DIAPH2: variants seen among roughly 807,000 people sequenced by gnomAD.
DIAPH2 encodes the protein diaphanous related formin 2, also known as protein diaphanous homolog 2.
DIAPH2 carries 35 observed loss-of-function variants against 92.7 expected under a neutral mutation model. The observed-to-expected ratio is 0.38, with a 90% CI of 0.29 to 0.50. The LOEUF (loss-of-function observed/expected upper bound fraction) is 0.50. Ranked by LOEUF, DIAPH2 falls within the 20% of genes least tolerant of loss-of-function variation. The probability of loss-of-function intolerance (pLI) is 0.94; values close to 1 mark genes in which losing one functional copy is unlikely to be tolerated. For missense variants in DIAPH2, 701 were observed against 819.5 expected (o/e 0.86, Z 1.77); for synonymous variants, 301 against 280.4 (o/e 1.07, Z -0.73).
chrX:97,134,169 G>T (rs1263651134), intron 21 of DIAPH2, among the ~76,000 whole-genome samples: 1 of 111,495 alleles, frequency 9.0e-6, no homozygotes, highest in Non-Finnish European at 1.9e-5. Context: ...CAATGTATCT[G>T]GAATCTTCAC....
intron 26 of DIAPH2, among the ~76,000 whole-genome samples, chrX:97,574,652 G>A (rs981797560): frequency 2.7e-5 from 3 of 111,651 alleles, no homozygotes; most frequent in Non-Finnish European, 5.6e-5. Context: ...GGCAATAGGA[G>A]AACACAGTAT....
At chrX:96,872,994 C>A (rs939028958) in intron 4 of DIAPH2, among the ~76,000 whole-genome samples, 1 of 111,863 alleles carries the variant, frequency 8.9e-6, no homozygotes, top group African/African-American at 3.3e-5. Flanking sequence ...TTTGAGGAAG[C>A]TCCATACTGT....
chrX:97,338,978 A>G (rs764401599), intron 23 of DIAPH2, among the ~76,000 whole-genome samples: 7 of 111,996 alleles, frequency 6.3e-5, no homozygotes, highest in Non-Finnish European at 1.3e-4. Flanking sequence ...ATAAATGTAC[A>G]TTAAAGTATA....
chrX:97,129,150 C>CTTTCTTTTA (rs2067118312), intron 21 of DIAPH2, among the ~76,000 whole-genome samples: 1 of 66,571 alleles, frequency 1.5e-5, no homozygotes, highest in Admixed American at 1.7e-4. Context: ...TCTTTTCTTT[C>CTTTCTTTTA]TTTTCTTTTC....
Position 96,735,744 on chromosome X carries a change from T to C in DIAPH2, c.133-14T>C. On this transcript the variant is annotated splice_polypyrimidine_tract_variant and intron_variant, in intron 1 of 26. Transcript: ENST00000324765. Reference sequence around the variant, plus strand: ...GATGGGTTTTTTTTGTTTGTTTCTTTTTGGTTTTAATAGAACATTCAAATA... The same window carrying C: ...GATGGGTTTTTTTTGTTTGTTTCTTCTTGGTTTTAATAGAACATTCAAATA... 1 of 1,048,356 alleles carries C rather than the reference T, an allele frequency of 9.5e-7. No individual in the cohort carries two copies. The highest frequency in any genetic ancestry group is 3.1e-5 in the East Asian group (1 of 31,816). 86.4% of individuals were successfully genotyped at this position (1,048,356 alleles called of 1,213,427 possible).
In DIAPH2 at chrX:97,151,216, T is replaced by C. The variant is rs1006881417; in HGVS notation, c.2719+9422T>C. Among the ~76,000 whole-genome samples the C allele has an allele frequency of 2.0e-4, 22 of 111,530 alleles. 1 individual carries two copies. The highest frequency in any genetic ancestry group is 3.9e-4 in the African/African-American group (12 of 30,672). ...CATGGGTGTGTTTAGTTTCTGCAGA[T>C]TGATTCAGGTGGCCACTTATATGCA... is the stretch of plus-strand genomic sequence containing the variant. On this transcript the variant is annotated intron_variant, in intron 22 of 26. Transcript: ENST00000324765.
chrX:96,752,904 A>G (rs1053416916), intron 3 of DIAPH2, among the ~76,000 whole-genome samples: 2 of 111,907 alleles, frequency 1.8e-5, no homozygotes, highest in African/African-American at 6.5e-5. Flanking sequence ...GCATGATCAC[A>G]CCCAGTCTTG....
At chrX:97,091,029 A>T (rs896677334) in intron 19 of DIAPH2, among the ~76,000 whole-genome samples, 2 of 111,310 alleles carry the variant, frequency 1.8e-5, no homozygotes, top group African/African-American at 6.5e-5. Context: ...GTTTTGAGAC[A>T]GGATATTCGC....
intron 5 of DIAPH2, among the ~76,000 whole-genome samples, chrX:96,910,035 C>T (rs750351907): frequency 2.8e-4 from 31 of 111,023 alleles, no homozygotes; most frequent in South Asian, 7.7e-4. Flanking sequence ...AATACCAAAG[C>T]GGATATTGAG....
chrX:97,167,059 G>A (rs6523076), intron 22 of DIAPH2, among the ~76,000 whole-genome samples: 35,325 of 110,493 alleles, frequency 0.32, 4,314 homozygotes, highest in East Asian at 0.61. Flanking sequence ...GCCACATAGC[G>A]TTTCATTGGA....
chrX:96,755,711 C>T (rs749873942), intron 3 of DIAPH2, among the ~76,000 whole-genome samples: 17 of 90,371 alleles, frequency 1.9e-4, no homozygotes, highest in South Asian at 5.1e-4. Context: ...AGTTTATTTA[C>T]TTTATCAAAA....
intron 21 of DIAPH2, among the ~76,000 whole-genome samples, chrX:97,128,140 A>G (rs896908734): frequency 1.8e-5 from 2 of 112,075 alleles, no homozygotes; most frequent in Non-Finnish European, 3.8e-5. Context: ...GCTACTCCAT[A>G]GACAGAACAG....
At chrX:97,481,316 C>T (rs2070649014) in intron 26 of DIAPH2, among the ~76,000 whole-genome samples, 1 of 111,562 alleles carries the variant, frequency 9.0e-6, no homozygotes, top group African/African-American at 3.3e-5. Flanking sequence ...CCAAACTCCA[C>T]ACACAAGAAG....
intron 26 of DIAPH2, among the ~76,000 whole-genome samples, chrX:97,568,219 T>C (rs1403785693): frequency 9.1e-6 from 1 of 109,846 alleles, no homozygotes; most frequent in Non-Finnish European, 1.9e-5. Flanking sequence ...AAGCAAGATT[T>C]TCTACTACTT....
chrX:97,533,066 T>C (rs1402595341), intron 26 of DIAPH2: 1 of 111,869 alleles, frequency 8.9e-6, no homozygotes, highest in Non-Finnish European at 1.9e-5. Context: ...ACATAAAAGT[T>C]GCAAGAATAG....
At chrX:96,731,874 G>T (rs1246349479) in intron 1 of DIAPH2, among the ~76,000 whole-genome samples, 1 of 111,573 alleles carries the variant, frequency 9.0e-6, no homozygotes, top group Non-Finnish European at 1.9e-5. Context: ...AAAATATATG[G>T]TCACTATATT....
chrX:96,812,190 A>G (rs2064689062), intron 4 of DIAPH2, among the ~76,000 whole-genome samples: 1 of 111,645 alleles, frequency 9.0e-6, no homozygotes, highest in Middle Eastern at 4.6e-3. Context: ...TATTGCCTCA[A>G]TTTCAGAGCC....
chrX:97,047,286 A>G (rs1248724837), intron 17 of DIAPH2, among the ~76,000 whole-genome samples: 2 of 110,888 alleles, frequency 1.8e-5, no homozygotes, highest in Admixed American at 1.9e-4. Context: ...GCATTGTTAG[A>G]GATAGCCCAA....
intron 17 of DIAPH2, among the ~76,000 whole-genome samples, chrX:97,036,141 A>C (rs1320179173): frequency 8.9e-6 from 1 of 111,943 alleles, no homozygotes; most frequent in East Asian, 2.8e-4. Context: ...TTGGAATTTA[A>C]AAGAATTTTT....
Sources: gnomAD v4.1 joint callset for allele counts (sites outside exome capture counted in the v4.1 genomes callset) on GRCh38, gnomAD v4.1.1 for gene constraint, MANE v1.5 for transcripts, NCBI Gene and HGNC (gene_info 2026-07-23, HGNC 2026-07-21) for gene names.